PDK2: variants seen among roughly 807,000 people sequenced by gnomAD.
PDK2 encodes the protein pyruvate dehydrogenase kinase, isozyme 2.
PDK2 carries 34 observed loss-of-function variants against 50.4 expected under a neutral mutation model. The observed-to-expected ratio is 0.68, with a 90% CI of 0.51 to 0.90. PDK2 has a LOEUF of 0.90. Among genes scored for constraint, PDK2 ranks in the 40% least tolerant of loss-of-function variants. PDK2 has a pLI of 0.00. For synonymous variants in PDK2, 232 were observed against 216.0 expected, an observed-to-expected ratio of 1.07 and a Z score of -0.65; for missense variants, 377 against 544.5, an observed-to-expected ratio of 0.69 and a Z score of 3.06.
At chr17:50,105,210 A>G (rs1910442162) in intron 2 of PDK2, 161 bp from the exon 3 acceptor site, 1 of 507,538 alleles carries the variant, frequency 2.0e-6, no homozygotes, top group African/African-American at 2.0e-5. Context: ...AGACTCACAT[A>G]CAAATGAAAT....
intron 2 of PDK2, among the ~76,000 whole-genome samples, chr17:50,100,440 A>G (rs887754712): frequency 1.3e-5 from 2 of 152,134 alleles, no homozygotes; most frequent in Non-Finnish European, 2.9e-5. Flanking sequence ...CAGCTTCCTC[A>G]TGTGTAAAAG....
chr17:50,106,590 AGGTTTAAAAAC>A, intron 4 of PDK2, 193 bp from the exon 5 acceptor site: 1 of 593,514 alleles, frequency 1.7e-6, no homozygotes, highest in Non-Finnish European at 3.0e-6. Flanking sequence ...AGGTTTGCAA[AGGTTTAAAAAC>A]GGCCTAAGCC....
intron 1 of PDK2, chr17:50,095,939 G>A (rs1909914898): frequency 3.9e-6 from 2 of 508,634 alleles, no homozygotes; most frequent in Non-Finnish European, 5.2e-6. Flanking sequence ...AGAGGAAACC[G>A]GGGGTCTGCT....
chr17:50,107,170 G>T lies in PDK2; in HGVS notation c.685+17G>T. The T allele has an allele frequency of 6.2e-7, 1 of 1,609,260 alleles. No homozygotes were observed. The highest frequency in any genetic ancestry group is 2.2e-5 in the East Asian group (1 of 44,862). ...AGATCAATGGTGAGTGAGCGGGGCT[G>T]TGTATGTGTCTGTCTTGGGGCTGGG... is the stretch of plus-strand genomic sequence containing the variant. On this transcript the variant is annotated intron_variant, in intron 6 of 10. Coordinates refer to ENST00000503176, the MANE Select transcript of PDK2 (RefSeq NM_002611.5).
rs560118665 is a variant in PDK2 at position 50,102,756 on chromosome 17, G to A, written c.261-2615G>A. 2.2e-4 allele frequency among the ~76,000 whole-genome samples: 33 copies of A among 152,344 alleles called. 1 individual carries two copies. The highest frequency in any genetic ancestry group is 7.7e-4 in the African/African-American group (32 of 41,586). ...TCTGTAAAATGGGTCCAGCAGTAGCGCCCACCTCTGGGGTTCTTGTGGAGG... is the reference window on the plus strand; with the variant it reads ...TCTGTAAAATGGGTCCAGCAGTAGCACCCACCTCTGGGGTTCTTGTGGAGG... On this transcript the variant is annotated intron_variant, in intron 2 of 10. Transcript: ENST00000503176.
At chr17:50,096,263 C>T (rs1383127893) in intron 1 of PDK2, 2 of 985,488 alleles carry the variant, frequency 2.0e-6, no homozygotes, top group Non-Finnish European at 2.4e-6. Flanking sequence ...CCTATACCTC[C>T]CTTGGCTGCC....
At chr17:50,099,605 A>G (rs1437080365) in intron 2 of PDK2, among the ~76,000 whole-genome samples, 2 of 152,108 alleles carry the variant, frequency 1.3e-5, no homozygotes, top group Non-Finnish European at 2.9e-5. Flanking sequence ...CATCCTGGCT[A>G]ACACGGTGAA....
chr17:50,095,123 A>G (rs1297088077), upstream of PDK2, among the ~76,000 whole-genome samples: 1 of 152,158 alleles, frequency 6.6e-6, no homozygotes, highest in East Asian at 1.9e-4. Context: ...GAGGAAAGGG[A>G]GGAGTGAACA....
At chr17:50,099,332 G>A (rs995729484) in intron 2 of PDK2, among the ~76,000 whole-genome samples, 1 of 152,198 alleles carries the variant, frequency 6.6e-6, no homozygotes, top group Non-Finnish European at 1.5e-5. Flanking sequence ...GCAGGGGCCT[G>A]CTGAGCTTCC....
At position 50,109,376 on chromosome 17, in the gene PDK2, G is replaced by A. The variant is rs1349021139; in HGVS notation, c.1059G>A (p.Gly353=). The A allele has an allele frequency of 6.2e-7, 1 of 1,612,142 alleles. No homozygotes were observed. The highest frequency in any genetic ancestry group is 8.5e-7 in the Non-Finnish European group (1 of 1,178,732). ...DLQLFSMEGF[G]TDAVIYLKAL... is the part of the protein sequence containing the mutation. ...AGCTCTTCTCCATGGAAGGCTTTGG[G>A]ACCGATGCTGTCATCTATCTCAAGG... The change falls in exon 10 of 11, where the codon GGG becomes GGA. Residue 353 remains glycine (G), a synonymous_variant. Transcript: ENST00000503176. This position sits in a 1 kb window ranked among gnomAD's most constrained non-coding sequence, Gnocchi z 5.0.
intron 4 of PDK2, 33 bp downstream of exon 4, chr17:50,106,102 G>A (rs757082300): frequency 9.6e-5 from 150 of 1,563,960 alleles, no homozygotes; most frequent in Non-Finnish European, 1.2e-4. Context: ...GGGAGCGGGC[G>A]GTGGGGGGGG....
rs1003550335 is a variant in PDK2 at position 50,111,241 on chromosome 17, A to C, written c.*1144A>C. On this transcript the variant is annotated 3_prime_UTR_variant, in exon 11 of 11. Coordinates refer to ENST00000503176, the MANE Select transcript of PDK2 (RefSeq NM_002611.5). ...CGGATGGCCCAGCACCTGGTGACAG[A>C]CCTGTTGTCCCACCATACTCAGGGC... 4 of 152,316 alleles carry C rather than the reference A, an allele frequency of 2.6e-5. No homozygotes were observed. The highest frequency in any genetic ancestry group is 9.6e-5 in the African/African-American group (4 of 41,464). 9.4% of individuals were successfully genotyped at this position (152,316 alleles called of 1,614,324 possible). A position where few individuals can be genotyped will look rare whatever the true frequency, so the allele number is the denominator to read the frequency against.
upstream of PDK2, chr17:50,095,183 C>G (rs922965136): frequency 2.3e-5 from 10 of 435,412 alleles, no homozygotes; most frequent in Non-Finnish European, 3.3e-5. Flanking sequence ...CAGGCCGCCC[C>G]GGCAAAGCGT....
upstream of PDK2, chr17:50,095,231 G>A (rs748839812): frequency 5.9e-6 from 3 of 511,438 alleles, no homozygotes; most frequent in Non-Finnish European, 1.0e-5. Flanking sequence ...CCACGTGCCG[G>A]GGCGGAAGGC....
intron 1 of PDK2, chr17:50,095,794 A>T (rs1909906409): frequency 7.4e-7 from 1 of 1,357,192 alleles, no homozygotes; most frequent in Non-Finnish European, 9.5e-7. Flanking sequence ...CGTGGGCCTC[A>T]TGAAGGGTCT....
chr17:50,110,032 G>A lies in PDK2; in HGVS notation c.1159G>A (p.Glu387Lys). The change falls in exon 11 of 11, where the codon GAG (glutamate) becomes AAG (lysine). Residue 387 changes from glutamate (E) to lysine (K), a missense_variant. Glu to Lys is a moderately conservative substitution (Grantham distance 56). This residue lies in a region of PDK2 where 214 missense variants were observed against 294.0 expected (regional missense o/e 0.73). Coordinates refer to ENST00000503176, the MANE Select transcript of PDK2 (RefSeq NM_002611.5). ...CTGGCGCCACTACCAGACCATCCAGGAGGCCGGCGACTGGTGTGTGCCCAG... is the reference window on the plus strand; with the variant it reads ...CTGGCGCCACTACCAGACCATCCAGAAGGCCGGCGACTGGTGTGTGCCCAG... ...SAWRHYQTIQ[E>K]AGDWCVPSTE... is the part of the protein sequence containing the mutation. The A allele has an allele frequency of 6.2e-7, 1 of 1,610,256 alleles. No homozygotes were observed. The highest frequency in any genetic ancestry group is 8.5e-7 in the Non-Finnish European group (1 of 1,178,576).
intron 1 of PDK2, chr17:50,096,157 G>C: frequency 2.0e-6 from 2 of 985,604 alleles, no homozygotes; most frequent in Non-Finnish European, 2.4e-6. Context: ...AGCTGCCCCA[G>C]TGGGCAAGGA....
chr17:50,108,220 T>C lies in PDK2; in HGVS notation c.750T>C (p.Phe250=), dbSNP rs138950046. 4.2e-5 allele frequency: 67 copies of C among 1,597,684 alleles called. No homozygotes were observed. In the African/African-American group the frequency reaches 8.8e-4, roughly 21 times the overall value. Residue 250 remains phenylalanine, a synonymous_variant, in exon 7 of 11, where the codon TTT becomes TTC. Coordinates refer to ENST00000503176, the MANE Select transcript of PDK2 (RefSeq NM_002611.5). ...CCTCCCACCTCTACCACATGCTCTT[T>C]GAGCTCTTCAAGGTGAGGAGGCTGG... ...YVPSHLYHML[F]ELFKNAMRAT... is the part of the protein sequence containing the mutation.
intron 4 of PDK2, 145 bp from the exon 5 acceptor site, chr17:50,106,649 G>A: frequency 1.4e-6 from 1 of 696,656 alleles, no homozygotes. Flanking sequence ...AGGGAGGACA[G>A]AAGCGGGGGA....
Sources: gnomAD v4.1 joint callset for allele counts (sites outside exome capture counted in the v4.1 genomes callset) on GRCh38, gnomAD v4.1.1 for gene constraint, gnomAD v4.1.1 regional missense constraint, Gnocchi (gnomAD v3.1) non-coding constraint, MANE v1.5 for transcripts, NCBI Gene and HGNC (gene_info 2026-07-23, HGNC 2026-07-21) for gene names.